Variants in CC2D2A observed in about 807,000 individuals in gnomAD.
CC2D2A encodes coiled-coil and C2 domain containing 2A.
A neutral mutation model predicts 212.9 loss-of-function variants in CC2D2A; 155 were observed. The observed-to-expected ratio is 0.73, with a 90% CI of 0.64 to 0.83. The LOEUF is 0.83. CC2D2A is among the 40% of genes least tolerant of loss of function. The pLI is 0.00. For missense variants in CC2D2A, 1,856 were observed against 1,956.2 expected, an observed-to-expected ratio of 0.95 and a Z score of 0.97; for synonymous variants, 667 against 686.5, an observed-to-expected ratio of 0.97 and a Z score of 0.44.
At position 15,527,676 on chromosome 4, in the gene CC2D2A, T is replaced by C. The variant is rs1717588547; in HGVS notation, c.1359+20T>C. ...GATAAGGTACATGTGATTTCTTCCATAATGATTGTCAATGGAGTTGGTTCT... is the reference window on the plus strand; with the variant it reads ...GATAAGGTACATGTGATTTCTTCCACAATGATTGTCAATGGAGTTGGTTCT... On this transcript the variant is annotated intron_variant, in intron 12 of 36. Coordinates refer to ENST00000424120, the MANE Select transcript of CC2D2A (RefSeq NM_001378615.1). The C allele has an allele frequency of 1.9e-6, 3 of 1,561,892 alleles. No homozygotes were observed. Among genetic ancestry groups the C allele is most frequent in the Non-Finnish European group, 2.6e-6 (3 of 1,146,824 alleles).
chr4:15,536,868 C>T, intron 14 of CC2D2A, 52 bp from the exon 15 acceptor site: 1 of 1,549,962 alleles, frequency 6.5e-7, no homozygotes, highest in Non-Finnish European at 8.8e-7. Context: ...GTTATTATTG[C>T]TCTCTTACTT....
intron 27 of CC2D2A, 70 bp downstream of exon 27, chr4:15,569,459 A>G (rs1720056675): frequency 2.3e-6 from 2 of 876,614 alleles, no homozygotes; most frequent in Non-Finnish European, 1.9e-6. Context: ...ATAAGTTCCA[A>G]TCACATTGTT....
chr4:15,579,395 A>G (rs1443189759), intron 29 of CC2D2A, among the ~76,000 whole-genome samples: 1 of 151,606 alleles, frequency 6.6e-6, no homozygotes. Flanking sequence ...GCAACCAGTT[A>G]TTTAAAATAA....
chr4:15,542,768 C>T (rs1409502747), intron 17 of CC2D2A, among the ~76,000 whole-genome samples: 6 of 152,166 alleles, frequency 3.9e-5, no homozygotes, highest in Admixed American at 2.0e-4. Context: ...CCAAGGCCAG[C>T]GCCTCCAGGG....
At chr4:15,475,702 G>A (rs759579972) in intron 1 of CC2D2A, among the ~76,000 whole-genome samples, 1 of 152,156 alleles carries the variant, frequency 6.6e-6, no homozygotes, top group Non-Finnish European at 1.5e-5. Flanking sequence ...AGTAAAGGCA[G>A]GCTCCCAGGG....
At chr4:15,592,535 T>C (rs1365783107) in intron 33 of CC2D2A, among the ~76,000 whole-genome samples, 2 of 152,204 alleles carry the variant, frequency 1.3e-5, no homozygotes, top group African/African-American at 2.4e-5. Flanking sequence ...ACAACTAATG[T>C]TCTTCATGAA....
chr4:15,591,966 A>G (rs1366804969), intron 33 of CC2D2A, among the ~76,000 whole-genome samples: 4 of 152,132 alleles, frequency 2.6e-5, no homozygotes, highest in African/African-American at 7.2e-5. Flanking sequence ...CCCCCATTGT[A>G]GCTCTTCTAA....
chr4:15,498,120 T>G (rs182395494), intron 4 of CC2D2A, among the ~76,000 whole-genome samples: 37 of 152,012 alleles, frequency 2.4e-4, no homozygotes, highest in African/African-American at 8.7e-4. Context: ...GGAGAGAGAG[T>G]GCAGAGAAGA....
chr4:15,570,505 CT>C lies in CC2D2A; in HGVS notation c.3594+10del, dbSNP rs1720108430. On this transcript the variant is annotated intron_variant, in intron 28 of 36. Transcript: ENST00000424120. ...TATATTTCCAAGCAAGGGTAAGTAT[CT>C]AAAGTTAGAGGTCCATGAGAGCAGG... 1 of 1,564,774 alleles carries C rather than the reference CT, an allele frequency of 6.4e-7. No individual in the cohort carries two copies. Among genetic ancestry groups the C allele is most frequent in the South Asian group, 1.1e-5 (1 of 87,356 alleles).
intron 23 of CC2D2A, among the ~76,000 whole-genome samples, chr4:15,562,741 G>A (rs1025335167): frequency 6.6e-6 from 1 of 152,248 alleles, no homozygotes; most frequent in Non-Finnish European, 1.5e-5. Flanking sequence ...GACTTAAAGA[G>A]GTGAAATGAT....
chr4:15,589,234 C>T (rs954400184), intron 32 of CC2D2A, among the ~76,000 whole-genome samples: 38 of 152,226 alleles, frequency 2.5e-4, no homozygotes, highest in African/African-American at 7.0e-4. Flanking sequence ...AAGAAGAAAA[C>T]GCCAGTGACT....
chr4:15,516,663 TC>T lies in CC2D2A; in HGVS notation c.1057del (p.Leu353CysfsTer15). On this transcript the variant is annotated frameshift_variant, in exon 11 of 37. Coordinates refer to ENST00000424120, the MANE Select transcript of CC2D2A (RefSeq NM_001378615.1). LOFTEE classifies it high-confidence loss of function. Reference sequence around the variant, plus strand: ...TTGGAGATGACGGCAGGATCCTAGCTCTGCCAAACCCCATCAAGCCATTTCC... The same window carrying T: ...TTGGAGATGACGGCAGGATCCTAGCTTGCCAAACCCCATCAAGCCATTTCC... ...WFGDDGRILALPNPIKPFPSR... is the reference protein window; with the variant it reads ...WFGDDGRILAXPNPIKPFPSR... The T allele has an allele frequency of 6.2e-7, 1 of 1,613,190 alleles. No individual in the cohort carries two copies.
chr4:15,538,737 C>T (rs920872080), intron 16 of CC2D2A, among the ~76,000 whole-genome samples: 3 of 152,196 alleles, frequency 2.0e-5, no homozygotes, highest in Admixed American at 6.5e-5. Flanking sequence ...TACATTTGTA[C>T]ATATAATAAT....
chr4:15,563,613 C>T (rs1298715541), intron 24 of CC2D2A, 91 bp downstream of exon 24: 47 of 1,396,188 alleles, frequency 3.4e-5, no homozygotes, highest in Middle Eastern at 2.4e-4. Flanking sequence ...TCATTCTTAA[C>T]GTGGTTATTG....
At position 15,545,742 on chromosome 4, in the gene CC2D2A, G is replaced by T. The variant is rs79513898; in HGVS notation, c.2181+4728G>T. 3.5e-3 allele frequency among the ~76,000 whole-genome samples: 538 copies of T among 152,238 alleles called. 2 individuals carry two copies. Among genetic ancestry groups the T allele is most frequent in the African/African-American group, 0.012 (517 of 41,530 alleles). ...AGATGGGAAGAAGGAATTAATTAAA[G>T]TAAGATTGGAGCCAGAATTGGTGGA... On this transcript the variant is annotated intron_variant, in intron 17 of 36. Transcript: ENST00000424120.
Position 15,563,406 on chromosome 4 carries a change from G to A in CC2D2A, c.3066G>A (p.Arg1022=), listed in dbSNP as rs2109065234. The A allele has an allele frequency of 3.1e-6, 5 of 1,608,396 alleles. No individual in the cohort carries two copies. The highest frequency in any genetic ancestry group is 4.2e-6 in the Non-Finnish European group (5 of 1,177,252). Residue 1022 remains arginine, a synonymous_variant, in exon 24 of 37, where the codon CGG becomes CGA. Coordinates refer to ENST00000424120, the MANE Select transcript of CC2D2A (RefSeq NM_001378615.1). The part of the protein sequence containing the change: ...FKLAEQKRPL[R]PRRKGRKKVT... ...TGGCAGAACAAAAGCGACCACTGCG[G>A]CCAAGGAGAAAAGGTCGGAAGAAGG...
Position 15,601,222 on chromosome 4 carries a change from G to A in CC2D2A, c.4675-15G>A, listed in dbSNP as rs377573053. On this transcript the variant is annotated splice_polypyrimidine_tract_variant and intron_variant, in intron 36 of 36. Coordinates refer to ENST00000424120, the MANE Select transcript of CC2D2A (RefSeq NM_001378615.1). ...TCAAACTTCACTAATGACTACAAAT[G>A]TTTTTTCCCTTCAGTTCTCTGGATT... The A allele has an allele frequency of 2.9e-4, 468 of 1,603,048 alleles. No homozygotes were observed. Among genetic ancestry groups the A allele is most frequent in the Non-Finnish European group, 3.8e-4 (450 of 1,172,476 alleles).
At chr4:15,556,283 T>C (rs1719277067) in intron 20 of CC2D2A, among the ~76,000 whole-genome samples, 1 of 152,220 alleles carries the variant, frequency 6.6e-6, no homozygotes, top group Non-Finnish European at 1.5e-5. Flanking sequence ...AATAGGATAA[T>C]TGTAGCCGGC....
intron 33 of CC2D2A, among the ~76,000 whole-genome samples, chr4:15,592,082 G>C (rs1721130732): frequency 6.6e-6 from 1 of 152,046 alleles, no homozygotes; most frequent in Non-Finnish European, 1.5e-5. Flanking sequence ...AACTTCTTTG[G>C]ATGTCAGTCT....
Sources: gnomAD v4.1 joint callset for allele counts (sites outside exome capture counted in the v4.1 genomes callset) on GRCh38, gnomAD v4.1.1 for gene constraint, MANE v1.5 for transcripts, NCBI Gene and HGNC (gene_info 2026-07-23, HGNC 2026-07-21) for gene names.